Variants in CEP89 observed in about 807,000 individuals in gnomAD.
The protein encoded by CEP89 is centrosomal protein 89.
CEP89 carries 95 observed loss-of-function variants against 97.6 expected under a neutral mutation model. The observed-to-expected ratio is 0.97, with a 90% CI of 0.82 to 1.15. The LOEUF is 1.15. Among genes scored for constraint, CEP89 ranks in the 50% most tolerant of loss-of-function variants. The pLI is 0.00. For synonymous variants in CEP89, 354 were observed against 349.1 expected (o/e 1.01, Z -0.16); for missense variants, 869 against 947.7 (o/e 0.92, Z 1.09).
intron 12 of CEP89, among the ~76,000 whole-genome samples, chr19:32,921,568 C>T (rs1238644267): frequency 6.6e-6 from 1 of 152,240 alleles, no homozygotes; most frequent in Non-Finnish European, 1.5e-5. Context: ...GCCTGCCTTT[C>T]TTTCCTTTCT....
At chr19:32,950,345 A>G (rs1207280520) in intron 4 of CEP89, among the ~76,000 whole-genome samples, 5 of 152,126 alleles carry the variant, frequency 3.3e-5, no homozygotes, top group Non-Finnish European at 7.4e-5. Flanking sequence ...GATCACCTGA[A>G]GTCGGGAGTT....
rs954087306 is a variant in CEP89 at position 32,960,016 on chromosome 19, C to T, written c.189G>A (p.Gly63=). ...GAGGCTGAGGAATAGCAACCGTCCGCCCAGTCAATGTTGTCGCCAGAATGG... is the reference window on the plus strand; with the variant it reads ...GAGGCTGAGGAATAGCAACCGTCCGTCCAGTCAATGTTGTCGCCAGAATGG... ...AAAILATTLT[G]RTVAIPQPRQ... is the part of the protein sequence containing the mutation. The change falls in exon 3 of 19, where the codon GGG becomes GGA. Residue 63 remains glycine, a synonymous_variant. Transcript: ENST00000305768. 2.5e-6 allele frequency: 4 copies of T among 1,614,094 alleles called. No individual in the cohort carries two copies. Among genetic ancestry groups the T allele is most frequent in the Non-Finnish European group, 8.5e-7 (1 of 1,180,052 alleles).
At chr19:32,895,720 T>C (rs1401448115) in intron 16 of CEP89, among the ~76,000 whole-genome samples, 3 of 150,580 alleles carry the variant, frequency 2.0e-5, no homozygotes, top group Non-Finnish European at 3.0e-5. Flanking sequence ...TAGAAAAAAC[T>C]AGACTTCACC....
At chr19:32,967,898 C>T (rs1214172869) in intron 1 of CEP89, among the ~76,000 whole-genome samples, 1 of 152,146 alleles carries the variant, frequency 6.6e-6, no homozygotes, top group African/African-American at 2.4e-5. Context: ...GAAGGGCTTC[C>T]AGAGCAGATG....
intron 16 of CEP89, among the ~76,000 whole-genome samples, chr19:32,892,241 A>G (rs937076532): frequency 3.9e-5 from 5 of 129,502 alleles, no homozygotes; most frequent in South Asian, 5.1e-4. Flanking sequence ...ATATATATAT[A>G]TGTCTAGTTA....
At chr19:32,883,805 G>A (rs988049409) in intron 17 of CEP89, among the ~76,000 whole-genome samples, 16 of 152,144 alleles carry the variant, frequency 1.1e-4, no homozygotes, top group African/African-American at 3.6e-4. Flanking sequence ...TGTTGATTAT[G>A]TTGTTAAATC....
chr19:32,891,058 G>C (rs1185859821), intron 16 of CEP89, among the ~76,000 whole-genome samples: 57 of 152,324 alleles, frequency 3.7e-4, no homozygotes, highest in Non-Finnish European at 2.9e-5. Flanking sequence ...ATACCCAGAA[G>C]AGTGTGGTGC....
chr19:32,878,898 G>A lies in CEP89; in HGVS notation c.*264C>T, dbSNP rs1382884195. ...CAGAAGGATCTCAAACATGTTTGAG[G>A]CTGCCGTGAGCTATGATTGCACCAC... On this transcript the variant is annotated 3_prime_UTR_variant, in exon 19 of 19. Coordinates refer to ENST00000305768, the MANE Select transcript of CEP89 (RefSeq NM_032816.5). The A allele has an allele frequency of 1.2e-5, 4 of 334,010 alleles. No homozygotes were observed. The East Asian group carries it at 1.8e-4, about 15-fold the overall frequency. 20.7% of individuals were successfully genotyped at this position (334,010 alleles called of 1,614,324 possible).
rs1397532370 is a variant in CEP89 at position 32,923,552 on chromosome 19, A to G, written c.1165-10T>C. The stretch of plus-strand genomic sequence containing the variant: ...ACATTCTCATTTCCTCCTGAAATAA[A>G]ATGTACGTAAATTATAACACACACA... On this transcript the variant is annotated splice_polypyrimidine_tract_variant and intron_variant, in intron 11 of 18. Coordinates refer to ENST00000305768, the MANE Select transcript of CEP89 (RefSeq NM_032816.5). 1.3e-6 allele frequency: 2 copies of G among 1,497,058 alleles called. No homozygotes were observed. The highest frequency in any genetic ancestry group is 1.7e-5 in the Admixed American group (1 of 59,554). 92.7% of individuals were successfully genotyped at this position (1,497,058 alleles called of 1,614,324 possible).
At chr19:32,926,621 G>A (rs1429280093) in intron 10 of CEP89, among the ~76,000 whole-genome samples, 2 of 152,168 alleles carry the variant, frequency 1.3e-5, no homozygotes, top group African/African-American at 4.8e-5. Context: ...GCGTGCAGTG[G>A]CACGATCTCA....
chr19:32,930,856 G>A (rs556139514), intron 9 of CEP89, among the ~76,000 whole-genome samples: 3 of 151,816 alleles, frequency 2.0e-5, no homozygotes, highest in South Asian at 2.1e-4. Context: ...GGGAGCAGCC[G>A]ACATACACTT....
intron 6 of CEP89, among the ~76,000 whole-genome samples, chr19:32,938,100 C>A (rs1970615446): frequency 6.6e-6 from 1 of 150,746 alleles, no homozygotes; most frequent in South Asian, 2.1e-4. Context: ...GGTCTCCCAA[C>A]ATGCTGGGAT....
intron 9 of CEP89, chr19:32,931,148 T>C (rs964123656): frequency 9.9e-6 from 4 of 404,984 alleles, no homozygotes; most frequent in South Asian, 1.1e-4. Flanking sequence ...CCTCAGCCTC[T>C]GAAAGTGCTG....
intron 16 of CEP89, 78 bp downstream of exon 16, chr19:32,899,779 T>C (rs1179928513): frequency 1.1e-5 from 16 of 1,431,426 alleles, no homozygotes; most frequent in Non-Finnish European, 1.5e-5. Flanking sequence ...TTTTAATAGA[T>C]CATTTTTTAA....
rs1970468443 is a variant in CEP89, at chr19:32,931,358, A to G, written c.1029+71T>C. 2.2e-6 allele frequency: 3 copies of G among 1,337,316 alleles called. No homozygotes were observed. The Admixed American group carries it at 7.7e-5, about 34-fold the overall frequency. The allele number at this position is 1,337,316 out of a possible 1,614,324, so 82.8% of individuals were successfully genotyped here. On this transcript the variant is annotated intron_variant, in intron 9 of 18. Transcript: ENST00000305768. ...AATTATAATAAATAAGAACCTCTCA[A>G]GATTGGAAATCAATTCAACAGTAAA...
rs1005408740 is a variant in CEP89, at chr19:32,915,216, TGA to T, written c.1565+119_1565+120del. 3 of 905,514 alleles carry T rather than the reference TGA, an allele frequency of 3.3e-6. No homozygotes were observed. The African/African-American group carries it at 5.2e-5, about 16-fold the overall frequency. 56.1% of individuals were successfully genotyped at this position (905,514 alleles called of 1,614,324 possible). ...GCTCATGCCTGTAATCCCAAAACTT[TGA>T]GAGGCTGGGATGGGCAGATCACTTG... On this transcript the variant is annotated intron_variant, in intron 14 of 18. Transcript: ENST00000305768.
chr19:32,880,639 T>TAAAAAAAAA (rs60785987), intron 18 of CEP89, among the ~76,000 whole-genome samples: 1 of 137,718 alleles, frequency 7.3e-6, no homozygotes. Flanking sequence ...ACCTTGTATT[T>TAAAAAAAAA]AAAAAAAAAA....
At chr19:32,902,002 C>CTGTGTGTGTG (rs1471468250) in intron 14 of CEP89, among the ~76,000 whole-genome samples, 41 of 105,026 alleles carry the variant, frequency 3.9e-4, no homozygotes, top group Middle Eastern at 4.2e-3. Flanking sequence ...CTCTGTCTCT[C>CTGTGTGTGTG]TCTCTCTCTG....
chr19:32,948,041 A>G (rs1306638259), intron 5 of CEP89, among the ~76,000 whole-genome samples: 1 of 152,170 alleles, frequency 6.6e-6, no homozygotes, highest in East Asian at 1.9e-4. Flanking sequence ...TCTTGAGCTC[A>G]AGGGATCCTC....
Sources: allele counts gnomAD v4.1 joint callset (sites outside exome capture counted in the v4.1 genomes callset), GRCh38; gene constraint gnomAD v4.1.1; transcripts MANE v1.5; gene names NCBI Gene and HGNC (gene_info 2026-07-23, HGNC 2026-07-21).